Variants in TNNI3K observed in about 807,000 individuals in gnomAD.
TNNI3K encodes serine/threonine-protein kinase TNNI3K.
A neutral mutation model predicts 114.5 loss-of-function variants in TNNI3K; 140 were observed. The ratio of observed to expected loss-of-function variants is 1.22; its 90% CI spans 1.07 to 1.41. The LOEUF (loss-of-function observed/expected upper bound fraction) is 1.41, where lower values mean the gene tolerates loss of function less well. Ranked by LOEUF, TNNI3K falls within the 40% of genes most tolerant of loss-of-function variation. The pLI is 0.00. For synonymous variants in TNNI3K, 347 were observed against 347.5 expected (o/e 1.00, Z 0.02); for missense variants, 1,125 against 1,007.6 (o/e 1.12, Z -1.58).
chr1:74,434,293 T>C (rs116179596), intron 17 of TNNI3K, among the ~76,000 whole-genome samples: 1,915 of 152,110 alleles, frequency 0.013, 44 homozygotes, highest in African/African-American at 0.043. Context: ...ACATTTTTAG[T>C]ATAATTCCTA....
At chr1:74,279,791 G>A (rs1472964371) in intron 5 of TNNI3K, among the ~76,000 whole-genome samples, 1 of 152,176 alleles carries the variant, frequency 6.6e-6, no homozygotes, top group Non-Finnish European at 1.5e-5. Context: ...TGCTCTAAAT[G>A]TATGTTATCT....
Position 74,249,556 on chromosome 1 carries a change from A to C in TNNI3K, c.235+12A>C. ...TTGCATTTGTGGAGGTGAGTACTTG[A>C]AACTTAGTACTTCTTAAACTGGTTA... On this transcript the variant is annotated intron_variant, in intron 3 of 24. Transcript: ENST00000326637. 1.2e-6 allele frequency: 2 copies of C among 1,612,334 alleles called. No homozygotes were observed. The highest frequency in any genetic ancestry group is 2.7e-5 in the African/African-American group (2 of 74,944).
At position 74,490,639 on chromosome 1, in the gene TNNI3K, C is replaced by A. The variant is rs138662865; in HGVS notation, c.2181+1391C>A. On this transcript the variant is annotated intron_variant, in intron 22 of 24. Transcript: ENST00000326637. ...GCACTAATTAACAGATGAGAGTCAG[C>A]CTAAAGAGGCTTGACTTGCGCAGTT... 5.3e-4 allele frequency among the ~76,000 whole-genome samples: 81 copies of A among 152,250 alleles called. No individual in the cohort carries two copies. In the East Asian group the frequency reaches 0.015, roughly 29 times the overall value.
chr1:74,312,478 G>T (rs1197184644), intron 5 of TNNI3K, among the ~76,000 whole-genome samples: 2 of 152,236 alleles, frequency 1.3e-5, no homozygotes, highest in African/African-American at 4.8e-5. Context: ...GATAAACAGG[G>T]TATCTTCTAC....
At chr1:74,353,215 G>T (rs1384304705) in intron 9 of TNNI3K, 51 bp from the exon 10 acceptor site, 7 of 1,590,056 alleles carry the variant, frequency 4.4e-6, no homozygotes, top group South Asian at 2.3e-5. Flanking sequence ...GCACAATTTA[G>T]TTCATAACAA....
At position 74,251,732 on chromosome 1, in the gene TNNI3K, C is replaced by A. The variant is rs931896414; in HGVS notation, c.333+963C>A. On this transcript the variant is annotated intron_variant, in intron 4 of 24. Coordinates refer to ENST00000326637, the MANE Select transcript of TNNI3K (RefSeq NM_015978.3). ...TAGGAACCCCCTGCACTATCTCCCTCCCCCAACTGCTAGAGAGTTTGTCAT... is the reference window on the plus strand; with the variant it reads ...TAGGAACCCCCTGCACTATCTCCCTACCCCAACTGCTAGAGAGTTTGTCAT... 2.6e-5 allele frequency among the ~76,000 whole-genome samples: 4 copies of A among 152,296 alleles called. No homozygotes were observed. The Middle Eastern group carries it at 0.01, about 389-fold the overall frequency.
At chr1:74,458,973 A>C (rs1033043302) in intron 20 of TNNI3K, among the ~76,000 whole-genome samples, 2 of 151,986 alleles carry the variant, frequency 1.3e-5, no homozygotes, top group Non-Finnish European at 2.9e-5. Context: ...TGTGTACCCA[A>C]AGTTTAGTTC....
At chr1:74,412,959 A>T (rs566164945) in intron 17 of TNNI3K, among the ~76,000 whole-genome samples, 2 of 152,304 alleles carry the variant, frequency 1.3e-5, no homozygotes, top group Non-Finnish European at 1.5e-5. Flanking sequence ...GTACACCATA[A>T]GTTCTCTCTT....
At chr1:74,473,827 C>A (rs1254739152) in intron 21 of TNNI3K, among the ~76,000 whole-genome samples, 1 of 152,108 alleles carries the variant, frequency 6.6e-6, no homozygotes, top group Non-Finnish European at 1.5e-5. Flanking sequence ...TTGTCAGAGT[C>A]TCAGAGAGTT....
At chr1:74,367,860 A>G in intron 12 of TNNI3K, 48 bp from the exon 13 acceptor site, 3 of 1,516,004 alleles carry the variant, frequency 2.0e-6, no homozygotes, top group Non-Finnish European at 2.7e-6. Context: ...TTTTATGTAG[A>G]AAAAAATGAT....
rs1570581218 is a variant in TNNI3K, at chr1:74,405,552, T to C, written c.1773-30528T>C. 4.6e-5 allele frequency among the ~76,000 whole-genome samples: 7 copies of C among 152,174 alleles called. No homozygotes were observed. The South Asian group carries it at 1.5e-3, about 32-fold the overall frequency. On this transcript the variant is annotated intron_variant, in intron 17 of 24. Transcript: ENST00000326637. ...AGAACTAGAGAGGTTTTTAAAACTG[T>C]TTACAAAATAGCACTTAAAAGACTT... is the stretch of plus-strand genomic sequence containing the variant.
chr1:74,404,905 A>G (rs564509923), intron 17 of TNNI3K, among the ~76,000 whole-genome samples: 2 of 152,316 alleles, frequency 1.3e-5, no homozygotes, highest in East Asian at 1.9e-4. Context: ...TCATTTATTC[A>G]TATTAATTTC....
intron 11 of TNNI3K, chr1:74,366,592 A>C (rs1271743907): frequency 6.6e-6 from 1 of 151,958 alleles, no homozygotes; most frequent in Non-Finnish European, 1.5e-5. Context: ...CCTGTTTCTT[A>C]AGGCACAGAC....
intron 5 of TNNI3K, among the ~76,000 whole-genome samples, chr1:74,314,153 CAT>C (rs1020984808): frequency 6.8e-6 from 1 of 146,722 alleles, no homozygotes; most frequent in Non-Finnish European, 1.5e-5. Flanking sequence ...CAGTATTCCC[CAT>C]ATATATATAA....
At chr1:74,247,408 A>C (rs1376686673) in intron 2 of TNNI3K, among the ~76,000 whole-genome samples, 1 of 152,198 alleles carries the variant, frequency 6.6e-6, no homozygotes, top group Non-Finnish European at 1.5e-5. Flanking sequence ...TGCGGACCCA[A>C]AGAGTGAGAA....
intron 23 of TNNI3K, among the ~76,000 whole-genome samples, chr1:74,516,088 G>T (rs935831969): frequency 1.3e-5 from 2 of 152,168 alleles, no homozygotes; most frequent in African/African-American, 4.8e-5. Flanking sequence ...CTTTGAGTTG[G>T]AACTAGGCTG....
intron 17 of TNNI3K, among the ~76,000 whole-genome samples, chr1:74,431,780 G>A (rs910892624): frequency 1.3e-5 from 2 of 152,112 alleles, no homozygotes; most frequent in Non-Finnish European, 2.9e-5. Context: ...GGCTGGGCAC[G>A]CTCTTGAACT....
chr1:74,451,682 C>CT (rs1222881369), intron 20 of TNNI3K, among the ~76,000 whole-genome samples: 1 of 21,952 alleles, frequency 4.6e-5, no homozygotes. Context: ...CTTTTCTTTT[C>CT]TTTTCTTTCT....
At chr1:74,431,535 G>A (rs1665898632) in intron 17 of TNNI3K, among the ~76,000 whole-genome samples, 1 of 152,124 alleles carries the variant, frequency 6.6e-6, no homozygotes, top group Non-Finnish European at 1.5e-5. Context: ...AGCAGAGATA[G>A]TAAACTAAGT....
Sources: gnomAD v4.1 joint callset for allele counts (sites outside exome capture counted in the v4.1 genomes callset) on GRCh38, gnomAD v4.1.1 for gene constraint, MANE v1.5 for transcripts, NCBI Gene and HGNC (gene_info 2026-07-23, HGNC 2026-07-21) for gene names.